WDR93: variants seen among roughly 807,000 people sequenced by gnomAD.
WDR93 encodes WD repeat domain 93.
In WDR93, 73 loss-of-function variants were observed where a neutral mutation model predicts 82.9. That is an observed-to-expected ratio of 0.88 (90% CI 0.73 to 1.07). The LOEUF is 1.07. Among genes scored for constraint, WDR93 ranks in the 50% least tolerant of loss-of-function variants. The pLI is 0.00. For synonymous variants in WDR93, 283 were observed against 300.1 expected (o/e 0.94, Z 0.59); for missense variants, 738 against 826.0 (o/e 0.89, Z 1.31).
At chr15:89,695,454 C>A (rs925242049) in intron 1 of WDR93, among the ~76,000 whole-genome samples, 1 of 152,132 alleles carries the variant, frequency 6.6e-6, no homozygotes, top group Admixed American at 6.5e-5. Flanking sequence ...CTCACCTCAG[C>A]CTGCTGAGCT....
At chr15:89,729,967 C>T (rs1231615005) in intron 11 of WDR93, among the ~76,000 whole-genome samples, 198 bp downstream of exon 11, 1 of 152,140 alleles carries the variant, frequency 6.6e-6, no homozygotes, top group Non-Finnish European at 1.5e-5. Context: ...TTAAAGACAA[C>T]AGGTCAATAG....
At chr15:89,695,363 T>G (rs545362690) in intron 1 of WDR93, among the ~76,000 whole-genome samples, 1 of 152,310 alleles carries the variant, frequency 6.6e-6, no homozygotes, top group Admixed American at 6.5e-5. Context: ...AGAGGGAGTT[T>G]CGCTGTATTG....
chr15:89,717,739 A>G (rs1026422654), intron 7 of WDR93, among the ~76,000 whole-genome samples: 9 of 152,218 alleles, frequency 5.9e-5, no homozygotes, highest in Non-Finnish European at 1.0e-4. Context: ...TACAGTGGCC[A>G]TGGGCATTTT....
chr15:89,700,591 C>G (rs1277905191), intron 1 of WDR93, among the ~76,000 whole-genome samples: 2 of 134,100 alleles, frequency 1.5e-5, no homozygotes, highest in South Asian at 4.7e-4. Flanking sequence ...GAGGCAAGGT[C>G]TCACTCTGTC....
At position 89,743,400 on chromosome 15, in the gene WDR93, C is replaced by A. The variant is rs368624721; in HGVS notation, c.*9C>A. On this transcript the variant is annotated 3_prime_UTR_variant, in exon 17 of 17. Coordinates refer to ENST00000268130, the MANE Select transcript of WDR93 (RefSeq NM_020212.2). ...AGAACTTCAAGAAGTGAGGCTGCCA[C>A]CGCCCTGGGATCTCTGAAAAGGAGG... 145 of 1,613,846 alleles carry A rather than the reference C, an allele frequency of 9.0e-5. No homozygotes were observed. The African/African-American group carries it at 1.7e-3, about 19-fold the overall frequency.
At position 89,700,979 on chromosome 15, in the gene WDR93, T is replaced by C. The variant is rs532880147; in HGVS notation, c.-40-728T>C. 6.6e-3 allele frequency among the ~76,000 whole-genome samples: 991 copies of C among 150,516 alleles called. 3 individuals are homozygous for C. Among genetic ancestry groups the C allele is most frequent in the Non-Finnish European group, 9.6e-3 (647 of 67,590 alleles). Reference sequence around the variant, plus strand: ...TGATGTATGCATATATATGTGTGTGTACACACACACACACACACACACACA... The same window carrying C: ...TGATGTATGCATATATATGTGTGTGCACACACACACACACACACACACACA... On this transcript the variant is annotated intron_variant, in intron 1 of 16. Coordinates refer to ENST00000268130, the MANE Select transcript of WDR93 (RefSeq NM_020212.2).
chr15:89,696,803 C>T (rs1965200563), intron 1 of WDR93, among the ~76,000 whole-genome samples: 1 of 151,694 alleles, frequency 6.6e-6, no homozygotes, highest in African/African-American at 2.4e-5. Context: ...GGTAGATACT[C>T]AGGAATGGGA....
intron 2 of WDR93, 43 bp downstream of exon 2, chr15:89,702,092 G>A (rs1043130042): frequency 6.4e-7 from 1 of 1,551,920 alleles, no homozygotes; most frequent in Non-Finnish European, 8.7e-7. Context: ...TTTCTCAGTT[G>A]AGTGTTAATA....
In WDR93 at chr15:89,743,336, G is replaced by A. The variant is rs778524280; in HGVS notation, c.2006G>A (p.Trp669Ter). 1 of 1,614,210 alleles carries A rather than the reference G, an allele frequency of 6.2e-7. No homozygotes were observed. The highest frequency in any genetic ancestry group is 8.5e-7 in the Non-Finnish European group (1 of 1,180,042). ...EKNPEKEEEH[W>*]ARLQRYSLSL... The stretch of plus-strand genomic sequence containing the variant: ...AACCCAGAGAAGGAGGAGGAGCACT[G>A]GGCCCGGCTTCAGAGGTACTCCTTG... Residue 669 changes from tryptophan (W) to a stop codon, truncating the protein, a stop_gained, in exon 17 of 17, where the codon TGG (tryptophan) becomes TAG (stop). Transcript: ENST00000268130. LOFTEE classifies it high-confidence loss of function.
intron 4 of WDR93, among the ~76,000 whole-genome samples, chr15:89,709,886 T>C (rs1431618034): frequency 6.7e-6 from 1 of 149,910 alleles, no homozygotes; most frequent in Non-Finnish European, 1.5e-5. Context: ...CAAGGCCGGG[T>C]ACAGTGGCTC....
intron 5 of WDR93, among the ~76,000 whole-genome samples, chr15:89,713,616 G>T (rs1459340965): frequency 1.3e-5 from 2 of 151,948 alleles, no homozygotes; most frequent in Admixed American, 6.6e-5. Context: ...GGGATTACAG[G>T]TACCTACAAG....
chr15:89,727,335 C>T lies in WDR93; in HGVS notation c.1052+7C>T. On this transcript the variant is annotated splice_region_variant and intron_variant, in intron 9 of 16. Coordinates refer to ENST00000268130, the MANE Select transcript of WDR93 (RefSeq NM_020212.2). ...GGGAGGAAGAGCCACTCAGGTGAGC[C>T]TCCTAATCCCGGGAAAGCCAGGGAG... is the stretch of plus-strand genomic sequence containing the variant. 6.2e-7 allele frequency: 1 copy of T among 1,613,148 alleles called. No individual in the cohort carries two copies. The highest frequency in any genetic ancestry group is 8.5e-7 in the Non-Finnish European group (1 of 1,179,728).
At chr15:89,690,386 C>A (rs953190730), upstream of WDR93, among the ~76,000 whole-genome samples, 1 of 152,102 alleles carries the variant, frequency 6.6e-6, no homozygotes, top group Non-Finnish European at 1.5e-5. Flanking sequence ...GACGCGGGTG[C>A]GTTGGGCCCA....
intron 10 of WDR93, among the ~76,000 whole-genome samples, chr15:89,729,321 A>G (rs1037932924): frequency 1.3e-5 from 2 of 152,124 alleles, no homozygotes; most frequent in African/African-American, 2.4e-5. Context: ...AGTGGTTGCC[A>G]TAGGAGAAGG....
In WDR93 at chr15:89,702,064, G is replaced by A; in HGVS notation, c.303+15G>A. 1 of 1,590,982 alleles carries A rather than the reference G, an allele frequency of 6.3e-7. No individual in the cohort carries two copies. Among genetic ancestry groups the A allele is most frequent in the South Asian group, 1.1e-5 (1 of 89,004 alleles). ...GAGAAATCCAGGTATGGAGTAAGCA[G>A]TTGACCAGGAGCCCCTGTTTCTCAG... On this transcript the variant is annotated intron_variant, in intron 2 of 16. Transcript: ENST00000268130.
chr15:89,723,022 T>C (rs1481777321), intron 8 of WDR93, among the ~76,000 whole-genome samples: 1 of 151,658 alleles, frequency 6.6e-6, no homozygotes, highest in Non-Finnish European at 1.5e-5. Context: ...TTGGGGAACA[T>C]GGCAAAACCC....
At chr15:89,694,775 G>C (rs1325475621) in intron 1 of WDR93, among the ~76,000 whole-genome samples, 1 of 152,180 alleles carries the variant, frequency 6.6e-6, no homozygotes, top group Non-Finnish European at 1.5e-5. Context: ...AGAGAAGATT[G>C]CCAAAGTTTT....
At chr15:89,730,963 C>A (rs988988601) in intron 11 of WDR93, among the ~76,000 whole-genome samples, 1 of 152,040 alleles carries the variant, frequency 6.6e-6, no homozygotes, top group African/African-American at 2.4e-5. Context: ...ACTTGTTATA[C>A]TTTATATTAC....
At chr15:89,714,052 G>T (rs1359876419) in intron 5 of WDR93, among the ~76,000 whole-genome samples, 1 of 152,156 alleles carries the variant, frequency 6.6e-6, no homozygotes, top group Non-Finnish European at 1.5e-5. Context: ...TCTTTGACAA[G>T]ATAAAGTCCC....
Sources: allele counts gnomAD v4.1 joint callset (sites outside exome capture counted in the v4.1 genomes callset), GRCh38; gene constraint gnomAD v4.1.1; transcripts MANE v1.5; gene names NCBI Gene and HGNC (gene_info 2026-07-23, HGNC 2026-07-21).